ATRNL1: variants seen among roughly 807,000 people sequenced by gnomAD.
ATRNL1 encodes attractin-like protein 1.
ATRNL1 carries 95 observed loss-of-function variants against 182.7 expected under a neutral mutation model. The ratio of observed to expected loss-of-function variants is 0.52; its 90% CI spans 0.44 to 0.62. The LOEUF is 0.62. Ranked by LOEUF, ATRNL1 falls within the 20% of genes least tolerant of loss-of-function variation. ATRNL1 has a pLI of 0.00. For missense variants in ATRNL1, 1,471 were observed against 1,679.5 expected (o/e 0.88, Z 2.17); for synonymous variants, 576 against 568.3 (o/e 1.01, Z -0.19).
At chr10:115,643,139 A>G (rs1859361283) in intron 26 of ATRNL1, among the ~76,000 whole-genome samples, 1 of 152,198 alleles carries the variant, frequency 6.6e-6, no homozygotes, top group Non-Finnish European at 1.5e-5. Flanking sequence ...TAAAGAGTAG[A>G]TCCATATATC....
intron 28 of ATRNL1, among the ~76,000 whole-genome samples, chr10:115,926,392 C>G (rs1029848873): frequency 6.6e-6 from 1 of 151,746 alleles, no homozygotes; most frequent in Non-Finnish European, 1.5e-5. Context: ...TAGCAAAAGA[C>G]AAGAAATAAC....
At chr10:115,441,894 G>C (rs530696638) in intron 21 of ATRNL1, among the ~76,000 whole-genome samples, 1 of 151,808 alleles carries the variant, frequency 6.6e-6, no homozygotes, top group Non-Finnish European at 1.5e-5. Context: ...TACTTTGTGA[G>C]GGTGTTTAGT....
chr10:115,558,913 C>T (rs1853493622), intron 26 of ATRNL1, among the ~76,000 whole-genome samples: 1 of 152,122 alleles, frequency 6.6e-6, no homozygotes, highest in Admixed American at 6.5e-5. Context: ...CCCCCCAGCT[C>T]CCTTTTGCAG....
chr10:115,368,230 C>A (rs1412303918), intron 19 of ATRNL1, among the ~76,000 whole-genome samples: 1 of 152,128 alleles, frequency 6.6e-6, no homozygotes, highest in African/African-American at 2.4e-5. Context: ...TCTCGCGGTG[C>A]GCCGTTTTTT....
At chr10:115,444,906 T>C (rs1467974889) in intron 21 of ATRNL1, among the ~76,000 whole-genome samples, 4 of 151,420 alleles carry the variant, frequency 2.6e-5, no homozygotes, top group Non-Finnish European at 4.4e-5. Context: ...TATTTTTGTA[T>C]TTTTAGTAGA....
intron 26 of ATRNL1, among the ~76,000 whole-genome samples, chr10:115,709,616 A>G (rs535506456): frequency 6.6e-6 from 1 of 152,118 alleles, no homozygotes; most frequent in African/African-American, 2.4e-5. Context: ...AAGAAGAGCA[A>G]TGTATAGACT....
intron 5 of ATRNL1, among the ~76,000 whole-genome samples, chr10:115,131,650 CAT>C (rs1473496584): frequency 7.9e-5 from 12 of 152,062 alleles, no homozygotes; most frequent in African/African-American, 1.7e-4. Flanking sequence ...GAATGAGAGA[CAT>C]GTGAAAATGC....
intron 5 of ATRNL1, among the ~76,000 whole-genome samples, chr10:115,134,729 CA>C (rs1169626448): frequency 6.6e-6 from 1 of 151,916 alleles, no homozygotes; most frequent in Non-Finnish European, 1.5e-5. Flanking sequence ...AGAGACACAA[CA>C]AAAAAAGAGA....
intron 17 of ATRNL1, among the ~76,000 whole-genome samples, chr10:115,304,429 C>T (rs1161265893): frequency 2.6e-5 from 4 of 152,096 alleles, no homozygotes; most frequent in East Asian, 1.9e-4. Context: ...TCTTGTCTCA[C>T]GTTGAATTAG....
At chr10:115,536,781 C>G (rs782094800) in intron 25 of ATRNL1, among the ~76,000 whole-genome samples, 2 of 152,100 alleles carry the variant, frequency 1.3e-5, no homozygotes, top group Non-Finnish European at 2.9e-5. Flanking sequence ...GACATTTAAT[C>G]ATGTTGTACA....
chr10:115,437,200 A>G (rs1554964937), intron 21 of ATRNL1, among the ~76,000 whole-genome samples: 1 of 152,114 alleles, frequency 6.6e-6, no homozygotes, highest in Non-Finnish European at 1.5e-5. Context: ...AAGAAAACCA[A>G]TACTGAAACA....
chr10:115,333,594 C>T (rs1206039923), intron 18 of ATRNL1, among the ~76,000 whole-genome samples: 1 of 151,018 alleles, frequency 6.6e-6, no homozygotes, highest in East Asian at 2.0e-4. Flanking sequence ...AGCGAATTCT[C>T]CTGCCTCAGC....
chr10:115,405,544 T>C (rs1279935159), intron 20 of ATRNL1, among the ~76,000 whole-genome samples: 1 of 152,200 alleles, frequency 6.6e-6, no homozygotes, highest in Non-Finnish European at 1.5e-5. Flanking sequence ...CTTTCTTTAT[T>C]GTTAATAATG....
intron 28 of ATRNL1, among the ~76,000 whole-genome samples, chr10:115,873,465 C>T (rs1198090417): frequency 6.6e-6 from 1 of 152,220 alleles, no homozygotes; most frequent in Admixed American, 6.5e-5. Flanking sequence ...CCACCCTAGT[C>T]AACGCACAAA....
chr10:115,761,261 G>A (rs1733167885), intron 27 of ATRNL1, among the ~76,000 whole-genome samples: 1 of 152,144 alleles, frequency 6.6e-6, no homozygotes, highest in South Asian at 2.1e-4. Flanking sequence ...TATTAAAGAA[G>A]CCAATAATTA....
intron 8 of ATRNL1, among the ~76,000 whole-genome samples, chr10:115,177,903 GTTTTT>G (rs147613896): frequency 2.0e-5 from 2 of 102,062 alleles, no homozygotes; most frequent in Non-Finnish European, 3.7e-5. Flanking sequence ...TTGTTTTTTT[GTTTTT>G]TTTGTTTTTT....
intron 27 of ATRNL1, among the ~76,000 whole-genome samples, chr10:115,808,283 G>C (rs782426748): frequency 6.6e-6 from 1 of 152,090 alleles, no homozygotes; most frequent in Non-Finnish European, 1.5e-5. Flanking sequence ...AAATGACTTT[G>C]TCCAAATGAT....
intron 27 of ATRNL1, among the ~76,000 whole-genome samples, chr10:115,758,878 T>A (rs1400403281): frequency 6.6e-6 from 1 of 152,242 alleles, no homozygotes; most frequent in Non-Finnish European, 1.5e-5. Context: ...CTTATGGGTG[T>A]ACATAAATGT....
chr10:115,181,509 A>T (rs1554887809), intron 8 of ATRNL1, among the ~76,000 whole-genome samples: 1 of 151,822 alleles, frequency 6.6e-6, no homozygotes, highest in African/African-American at 2.4e-5. Flanking sequence ...AGAATAAAAT[A>T]TTCTGTCTGT....
Sources: gnomAD v4.1 joint callset for allele counts (sites outside exome capture counted in the v4.1 genomes callset) on GRCh38, gnomAD v4.1.1 for gene constraint, MANE v1.5 for transcripts, NCBI Gene and HGNC (gene_info 2026-07-23, HGNC 2026-07-21) for gene names.